CSMD1: variants seen among roughly 807,000 people sequenced by gnomAD.
CSMD1 encodes CUB and sushi domain-containing protein 1.
In CSMD1, 213 loss-of-function variants were observed where a neutral mutation model predicts 417.5. That is an observed-to-expected ratio of 0.51 (90% confidence interval 0.46 to 0.57). The LOEUF (loss-of-function observed/expected upper bound fraction) is 0.57. Ranked by LOEUF, CSMD1 falls within the 20% of genes least tolerant of loss-of-function variation. CSMD1 has a pLI of 0.00. For synonymous variants in CSMD1, 2,862 were observed against 1,736.8 expected, an observed-to-expected ratio of 1.65 and a Z score of -16.11; for missense variants, 6,923 against 4,529.7, an observed-to-expected ratio of 1.53 and a Z score of -15.17.
chr8:3,174,529 C>T lies in CSMD1; in HGVS notation c.5725+6581G>A, dbSNP rs182300944. On this transcript the variant is annotated intron_variant, in intron 37 of 69. Transcript: ENST00000635120. ...AATAAACAAACTATAAAAATTGAGA[C>T]ATAAAGATCACTTCTATATTTTCTA... Among the ~76,000 whole-genome samples the T allele has an allele frequency of 6.6e-5, 10 of 152,244 alleles. No individual in the cohort carries two copies. In the East Asian group the frequency reaches 1.5e-3, roughly 24 times the overall value.
At chr8:4,017,001 T>C (rs943844992) in intron 4 of CSMD1, among the ~76,000 whole-genome samples, 4 of 152,040 alleles carry the variant, frequency 2.6e-5, no homozygotes, top group Non-Finnish European at 5.9e-5. Context: ...ATAACAGAAA[T>C]CATAGAAGAC....
chr8:4,918,916 T>C (rs2117129501), intron 1 of CSMD1, among the ~76,000 whole-genome samples: 1 of 152,290 alleles, frequency 6.6e-6, no homozygotes, highest in East Asian at 1.9e-4. Flanking sequence ...AAAAAAGTAG[T>C]AAAATTCTGG....
At chr8:3,623,669 A>T (rs972031094) in intron 7 of CSMD1, among the ~76,000 whole-genome samples, 12 of 152,168 alleles carry the variant, frequency 7.9e-5, no homozygotes, top group African/African-American at 2.9e-4. Flanking sequence ...AACTGAGGCC[A>T]GAGTTAAGAA....
rs562648281 is a variant in CSMD1 at position 4,794,137 on chromosome 8, T to C, written c.86-156579A>G. On this transcript the variant is annotated intron_variant, in intron 1 of 69. Coordinates refer to ENST00000635120, the MANE Select transcript of CSMD1 (RefSeq NM_033225.6). ...TGTTCCCTCATATAATGCTTTATTC[T>C]CTAATAGACAGTCAAACTCAATATT... is the stretch of plus-strand genomic sequence containing the variant. 3.3e-5 allele frequency among the ~76,000 whole-genome samples: 5 copies of C among 152,348 alleles called. No individual in the cohort carries two copies. The East Asian group carries it at 9.7e-4, about 29-fold the overall frequency.
intron 18 of CSMD1, among the ~76,000 whole-genome samples, chr8:3,371,982 A>C (rs770311475): frequency 1.3e-5 from 2 of 152,356 alleles, no homozygotes; most frequent in African/African-American, 4.8e-5. Flanking sequence ...ATGATTAATA[A>C]TAAGAGAGAT....
Position 4,985,356 on chromosome 8 carries a change from G to T in CSMD1, c.85+8976C>A, listed in dbSNP as rs1485573737. On this transcript the variant is annotated intron_variant, in intron 1 of 69. Coordinates refer to ENST00000635120, the MANE Select transcript of CSMD1 (RefSeq NM_033225.6). Reference sequence around the variant, plus strand: ...ACAAAACTTCATATCCTGCACATCTGCCCTGGAACTTAAAAGTTTTTTTTA... The same window carrying T: ...ACAAAACTTCATATCCTGCACATCTTCCCTGGAACTTAAAAGTTTTTTTTA... Among the ~76,000 whole-genome samples, 3 of 97,326 alleles carry T rather than the reference G, an allele frequency of 3.1e-5. No homozygotes were observed. In the East Asian group the frequency reaches 6.9e-4, roughly 22 times the overall value. 63.8% of individuals were successfully genotyped at this position (97,326 alleles called of 152,430 possible).
intron 1 of CSMD1, among the ~76,000 whole-genome samples, chr8:4,688,552 A>C (rs1213421151): frequency 6.6e-6 from 1 of 152,186 alleles, no homozygotes; most frequent in Non-Finnish European, 1.5e-5. Context: ...GCTCTTAATT[A>C]AATGGTCTCC....
chr8:4,051,617 G>T (rs1001445748), intron 3 of CSMD1, among the ~76,000 whole-genome samples: 1 of 152,138 alleles, frequency 6.6e-6, no homozygotes. Context: ...GGGCTTGTAG[G>T]TTTCTGTGGG....
rs890895761 is a variant in CSMD1 at position 3,244,190 on chromosome 8, T to G, written c.4154-13959A>C. 8.5e-5 allele frequency among the ~76,000 whole-genome samples: 13 copies of G among 152,218 alleles called. No homozygotes were observed. The South Asian group carries it at 2.7e-3, about 31-fold the overall frequency. ...ATCAGGTTTATAAAGTAGAATTGGC[T>G]CCTGGCTAGGCAGAGATGCTATTGC... On this transcript the variant is annotated intron_variant, in intron 26 of 69. Coordinates refer to ENST00000635120, the MANE Select transcript of CSMD1 (RefSeq NM_033225.6).
chr8:3,241,926 C>CCCAAT (rs1563177172), intron 26 of CSMD1, among the ~76,000 whole-genome samples: 1 of 147,480 alleles, frequency 6.8e-6, no homozygotes, highest in Non-Finnish European at 1.5e-5. Context: ...TTATTTAATG[C>CCCAAT]CGGGAGCAGA....
At chr8:3,248,603 C>T (rs1295017397) in intron 26 of CSMD1, among the ~76,000 whole-genome samples, 1 of 141,858 alleles carries the variant, frequency 7.0e-6, no homozygotes, top group Non-Finnish European at 1.5e-5. Flanking sequence ...GATCTCAGCT[C>T]ACTGCAAGTT....
intron 5 of CSMD1, among the ~76,000 whole-genome samples, chr8:3,825,373 T>C (rs1039343578): frequency 2.0e-5 from 3 of 151,964 alleles, no homozygotes; most frequent in African/African-American, 4.8e-5. Context: ...GTAGTAAAAA[T>C]ACAAAATTAG....
chr8:4,958,821 T>C (rs1304288579), intron 1 of CSMD1, among the ~76,000 whole-genome samples: 1 of 152,216 alleles, frequency 6.6e-6, no homozygotes, highest in East Asian at 1.9e-4. Context: ...CCCATGCTTC[T>C]GACAAGTGTC....
chr8:3,938,192 G>A (rs967313538), intron 5 of CSMD1, among the ~76,000 whole-genome samples: 1 of 152,054 alleles, frequency 6.6e-6, no homozygotes, highest in Non-Finnish European at 1.5e-5. Flanking sequence ...GACATTGCCT[G>A]TCATTTTTGG....
intron 2 of CSMD1, among the ~76,000 whole-genome samples, chr8:4,553,563 A>C (rs978245746): frequency 1.6e-4 from 24 of 152,232 alleles, no homozygotes; most frequent in African/African-American, 5.5e-4. Flanking sequence ...ATATTTAAGA[A>C]CACATTAAAC....
chr8:3,241,093 G>A (rs535395343), intron 26 of CSMD1, among the ~76,000 whole-genome samples: 11 of 151,156 alleles, frequency 7.3e-5, no homozygotes, highest in South Asian at 6.3e-4. Flanking sequence ...AGGACGCAAC[G>A]GAGGCTTTGG....
intron 1 of CSMD1, among the ~76,000 whole-genome samples, chr8:4,665,022 T>C (rs936380878): frequency 8.5e-5 from 13 of 152,206 alleles, no homozygotes; most frequent in East Asian, 1.9e-4. Flanking sequence ...TTACCAAATA[T>C]TTTAATTTTC....
rs181392541 is a variant in CSMD1 at position 4,411,136 on chromosome 8, T to C, written c.415+8817A>G. On this transcript the variant is annotated intron_variant, in intron 3 of 69. Transcript: ENST00000635120. ...TTCAATCTCCCAACCTCCATAACCA[T>C]GAGATACATCTCTTTCCTTTATAAA... Among the ~76,000 whole-genome samples, 619 of 152,278 alleles carry C rather than the reference T, an allele frequency of 4.1e-3. 2 individuals are homozygous for C. The highest frequency in any genetic ancestry group is 6.7e-3 in the Admixed American group (103 of 15,288).
chr8:4,362,233 G>C (rs1484437849), intron 3 of CSMD1, among the ~76,000 whole-genome samples: 3 of 152,114 alleles, frequency 2.0e-5, no homozygotes, highest in African/African-American at 4.8e-5. Flanking sequence ...TTTAACAAAA[G>C]ACTTGTTTTT....
Sources: gnomAD v4.1 joint callset for allele counts (sites outside exome capture counted in the v4.1 genomes callset) on GRCh38, gnomAD v4.1.1 for gene constraint, MANE v1.5 for transcripts, NCBI Gene and HGNC (gene_info 2026-07-23, HGNC 2026-07-21) for gene names.